The following ELMO1 variants were observed in gnomAD, a reference collection of about 807,000 sequenced individuals.
ELMO1 encodes engulfment and cell motility protein 1.
ELMO1 carries 26 observed loss-of-function variants against 98.9 expected under a neutral mutation model. That is an observed-to-expected ratio of 0.26 (90% CI 0.19 to 0.36). ELMO1 has a LOEUF of 0.36. Among genes scored for constraint, ELMO1 ranks in the 10% least tolerant of loss-of-function variants. The pLI is 1.00. For missense variants in ELMO1, 627 were observed against 935.2 expected (o/e 0.67, Z 4.30); for synonymous variants, 346 against 346.0 (o/e 1.00, Z 0.00).
At chr7:37,166,085 G>A (rs1789664601) in intron 13 of ELMO1, among the ~76,000 whole-genome samples, 1 of 152,170 alleles carries the variant, frequency 6.6e-6, no homozygotes, top group African/African-American at 2.4e-5. Context: ...ATGTGTCGAG[G>A]AATTTATCCA....
intron 15 of ELMO1, among the ~76,000 whole-genome samples, chr7:37,030,131 CT>C (rs1490602124): frequency 1.3e-5 from 2 of 152,056 alleles, no homozygotes; most frequent in African/African-American, 2.4e-5. Flanking sequence ...AAAATCTTCA[CT>C]AAGGAGAGAC....
At position 37,011,397 on chromosome 7, in the gene ELMO1, T is replaced by C. The variant is rs147519638; in HGVS notation, c.1437+1902A>G. Among the ~76,000 whole-genome samples, 1,036 of 152,314 alleles carry C rather than the reference T, an allele frequency of 6.8e-3. 6 individuals are homozygous for C. Among genetic ancestry groups the C allele is most frequent in the Middle Eastern group, 0.027 (8 of 294 alleles). On this transcript the variant is annotated intron_variant, in intron 16 of 21. Transcript: ENST00000310758. ...GGCTTCCTTTGCTAACAAGGAACTC[T>C]TGGTGCTTCATGTTACAAAATGTAA...
At chr7:37,440,174 T>G (rs1269072706) in intron 1 of ELMO1, among the ~76,000 whole-genome samples, 1 of 152,154 alleles carries the variant, frequency 6.6e-6, no homozygotes, top group Non-Finnish European at 1.5e-5. Flanking sequence ...CCAGGCACAG[T>G]GGCTCATGTC....
At chr7:37,079,654 G>T (rs925206466) in intron 15 of ELMO1, among the ~76,000 whole-genome samples, 1 of 151,924 alleles carries the variant, frequency 6.6e-6, no homozygotes, top group Non-Finnish European at 1.5e-5. Flanking sequence ...AAAATCAATG[G>T]TCAGTTCTCA....
intron 2 of ELMO1, among the ~76,000 whole-genome samples, chr7:37,337,205 G>A (rs963555734): frequency 3.3e-5 from 5 of 152,148 alleles, no homozygotes; most frequent in Non-Finnish European, 7.3e-5. Flanking sequence ...ATACACCATG[G>A]AATACTATGC....
At chr7:37,279,469 AC>A (rs1380175833) in intron 4 of ELMO1, among the ~76,000 whole-genome samples, 4 of 152,206 alleles carry the variant, frequency 2.6e-5, no homozygotes, top group African/African-American at 9.6e-5. Context: ...AAGGAAGCAG[AC>A]TGGCTCCTGC....
chr7:37,053,181 A>C (rs1319063894), intron 15 of ELMO1, among the ~76,000 whole-genome samples: 1 of 152,110 alleles, frequency 6.6e-6, no homozygotes, highest in Admixed American at 6.5e-5. Flanking sequence ...GACAAAAAGG[A>C]AACTCTAACT....
At chr7:37,009,973 T>C (rs1015718682) in intron 16 of ELMO1, among the ~76,000 whole-genome samples, 4 of 152,224 alleles carry the variant, frequency 2.6e-5, no homozygotes, top group African/African-American at 9.6e-5. Context: ...CTCCAACTTA[T>C]TATCAAGTAA....
rs561730746 is a variant in ELMO1, at chr7:37,239,491, G to A, written c.449+4865C>T. Among the ~76,000 whole-genome samples, 28 of 152,256 alleles carry A rather than the reference G, an allele frequency of 1.8e-4. No homozygotes were observed. In the South Asian group the frequency reaches 5.6e-3, roughly 30 times the overall value. On this transcript the variant is annotated intron_variant, in intron 7 of 21. Coordinates refer to ENST00000310758, the MANE Select transcript of ELMO1 (RefSeq NM_014800.11). ...ATTTCAATTTTTTTAATAACTATGG[G>A]CGTCCAAATTTTCTATTTCATCATG...
intron 4 of ELMO1, among the ~76,000 whole-genome samples, chr7:37,293,116 G>A (rs1232693117): frequency 0.018 from 578 of 32,114 alleles, 205 homozygotes; most frequent in African/African-American, 0.028. Flanking sequence ...CCCCCCGTCC[G>A]GCCAGCCACC....
intron 13 of ELMO1, among the ~76,000 whole-genome samples, chr7:37,168,578 C>G (rs558675357): frequency 1.3e-5 from 2 of 152,260 alleles, no homozygotes; most frequent in African/African-American, 4.8e-5. Flanking sequence ...AGTTGCAGGT[C>G]TGTTGGAGTT....
At chr7:37,338,663 A>T (rs1414453693) in intron 2 of ELMO1, among the ~76,000 whole-genome samples, 1 of 152,188 alleles carries the variant, frequency 6.6e-6, no homozygotes, top group Non-Finnish European at 1.5e-5. Flanking sequence ...CCGAGAAACA[A>T]ATACATTATT....
intron 13 of ELMO1, among the ~76,000 whole-genome samples, chr7:37,199,230 A>G (rs1792147820): frequency 6.6e-6 from 1 of 152,038 alleles, no homozygotes; most frequent in Admixed American, 6.6e-5. Context: ...TACCGTAAAA[A>G]GTAAGAAGAA....
Position 36,877,882 on chromosome 7 carries a change from C to T in ELMO1, c.1822+128G>A, listed in dbSNP as rs1804098318. ...GTACTTGATGAGATGGCTCAGGCGA[C>T]GACTTACAACTAGATGAGATGTGTT... On this transcript the variant is annotated intron_variant, in intron 19 of 21. Transcript: ENST00000310758. 11 of 688,520 alleles carry T rather than the reference C, an allele frequency of 1.6e-5. No individual in the cohort carries two copies. In the South Asian group the frequency reaches 1.7e-4, roughly 10 times the overall value. 42.7% of individuals were successfully genotyped at this position (688,520 alleles called of 1,614,324 possible).
chr7:37,323,519 C>T (rs1799630089), intron 2 of ELMO1, among the ~76,000 whole-genome samples: 1 of 152,044 alleles, frequency 6.6e-6, no homozygotes, highest in Admixed American at 6.5e-5. Flanking sequence ...CATGGTGAAA[C>T]TCTGTCTCTA....
intron 2 of ELMO1, among the ~76,000 whole-genome samples, chr7:37,320,818 AAAC>A (rs1278431609): frequency 1.3e-5 from 2 of 152,208 alleles, no homozygotes; most frequent in African/African-American, 2.4e-5. Context: ...TTCCTTTAAA[AAAC>A]AACAACAACA....
chr7:37,415,496 C>A (rs181249741), intron 1 of ELMO1, among the ~76,000 whole-genome samples: 9 of 152,228 alleles, frequency 5.9e-5, no homozygotes, highest in African/African-American at 1.9e-4. Flanking sequence ...TTTATTTCCC[C>A]AGTCTCAAGT....
chr7:37,029,300 T>C lies in ELMO1; in HGVS notation c.1301-15865A>G, dbSNP rs529063755. On this transcript the variant is annotated intron_variant, in intron 15 of 21. Transcript: ENST00000310758. ...CTTTGATCCTGACTGATCACATACATATCAAAGATTACCCCAGGTGTCTCA... is the reference window on the plus strand; with the variant it reads ...CTTTGATCCTGACTGATCACATACACATCAAAGATTACCCCAGGTGTCTCA... Among the ~76,000 whole-genome samples the C allele has an allele frequency of 2.6e-5, 4 of 152,226 alleles. No individual in the cohort carries two copies. The East Asian group carries it at 7.7e-4, about 29-fold the overall frequency.
chr7:37,052,527 GATTCAATGAATGT>G (rs1404268630), intron 15 of ELMO1, among the ~76,000 whole-genome samples: 1 of 152,126 alleles, frequency 6.6e-6, no homozygotes, highest in Non-Finnish European at 1.5e-5. Context: ...AGTCTACTAA[GATTCAATGAATGT>G]ATACCATGGG....
Sources: allele counts gnomAD v4.1 joint callset (sites outside exome capture counted in the v4.1 genomes callset), GRCh38; gene constraint gnomAD v4.1.1; transcripts MANE v1.5; gene names NCBI Gene and HGNC (gene_info 2026-07-23, HGNC 2026-07-21).